The following PON1 variants were observed in gnomAD, a reference collection of about 807,000 sequenced individuals.
The protein encoded by PON1 is serum paraoxonase/arylesterase 1.
Under a neutral mutation model 39.2 loss-of-function variants are expected in PON1, and 37 were observed. The ratio of observed to expected loss-of-function variants is 0.94; its 90% CI spans 0.73 to 1.24. The LOEUF (loss-of-function observed/expected upper bound fraction) is 1.24. Ranked by LOEUF, PON1 falls within the 50% of genes most tolerant of loss-of-function variation. The pLI is 0.00. For missense variants in PON1, 397 were observed against 413.5 expected (o/e 0.96, Z 0.35); for synonymous variants, 148 against 152.2 (o/e 0.97, Z 0.21).
chr7:95,312,615 G>A (rs1024599752), intron 4 of PON1, among the ~76,000 whole-genome samples: 1 of 152,220 alleles, frequency 6.6e-6, no homozygotes, highest in Non-Finnish European at 1.5e-5. Flanking sequence ...GGATGTTAGA[G>A]CAAAAACCTA....
chr7:95,318,308 C>G lies in PON1; in HGVS notation c.145+15G>C. On this transcript the variant is annotated intron_variant, in intron 2 of 8. Transcript: ENST00000222381. ...GGAAGTTCAAATGAGACCCTTCTTCCTCTCACATACATACCGATTCCTTTA... is the reference window on the plus strand; with the variant it reads ...GGAAGTTCAAATGAGACCCTTCTTCGTCTCACATACATACCGATTCCTTTA... 6.3e-7 allele frequency: 1 copy of G among 1,584,488 alleles called. No individual in the cohort carries two copies. The highest frequency in any genetic ancestry group is 8.7e-7 in the Non-Finnish European group (1 of 1,153,230).
chr7:95,324,345 G>A lies in PON1; in HGVS notation c.74+57C>T, dbSNP rs1807965512. The A allele has an allele frequency of 5.2e-6, 8 of 1,546,920 alleles. No individual in the cohort carries two copies. The South Asian group carries it at 9.0e-5, about 17-fold the overall frequency. ...GGACCCAACTTTCTGGGGGCTCGTGGAGCTGGCAGGGAGTGAGGAGGACGA... is the reference window on the plus strand; with the variant it reads ...GGACCCAACTTTCTGGGGGCTCGTGAAGCTGGCAGGGAGTGAGGAGGACGA... On this transcript the variant is annotated intron_variant, in intron 1 of 8. Coordinates refer to ENST00000222381, the MANE Select transcript of PON1 (RefSeq NM_000446.7).
At chr7:95,315,527 C>T (rs1807749112) in intron 3 of PON1, 37 bp from the exon 4 acceptor site, 1 of 1,600,498 alleles carries the variant, frequency 6.2e-7, no homozygotes, top group African/African-American at 1.3e-5. Context: ...AAGCACAATA[C>T]CAGTACTTCA....
At chr7:95,302,474 A>G in intron 7 of PON1, 141 bp from the exon 8 acceptor site, 1 of 711,444 alleles carries the variant, frequency 1.4e-6, no homozygotes, top group South Asian at 1.8e-5. Context: ...GCCCCATTTC[A>G]ATAAGACTCA....
chr7:95,299,144 A>T (rs761479177), intron 8 of PON1, 42 bp from the exon 9 acceptor site: 1 of 1,574,252 alleles, frequency 6.4e-7, no homozygotes. Flanking sequence ...TTGTTAAGTC[A>T]CTTAAAACAA....
chr7:95,299,434 A>G (rs854553), intron 8 of PON1, among the ~76,000 whole-genome samples: 99,074 of 151,854 alleles, frequency 0.65, 33,557 homozygotes, highest in South Asian at 0.77. Flanking sequence ...TCAGTATGAT[A>G]GTTAATACTG....
chr7:95,302,107 A>AAAAAAAAAAAAC lies in PON1; in HGVS notation c.909+97_909+98insGTTTTTTTTTTT, dbSNP rs1563594299. On this transcript the variant is annotated intron_variant, in intron 8 of 8. Coordinates refer to ENST00000222381, the MANE Select transcript of PON1 (RefSeq NM_000446.7). ...GCGATACTCTGTCACAAAAAAAAAA[A>AAAAAAAAAAAAC]AAAAAAAAAAAAAACCAAGAATTGA... 2.5e-4 allele frequency: 199 copies of AAAAAAAAAAAAC among 796,668 alleles called. 1 individual carries two copies. The African/African-American group carries it at 3.6e-3, about 14-fold the overall frequency. The allele number at this position is 796,668 out of a possible 1,614,324, so 49.3% of individuals were successfully genotyped here.
chr7:95,307,772 C>T (rs1304629821), intron 6 of PON1, among the ~76,000 whole-genome samples: 2 of 152,114 alleles, frequency 1.3e-5, no homozygotes, highest in African/African-American at 2.4e-5. Context: ...CATCACAGTT[C>T]CCCCTCTTAA....
In PON1 at chr7:95,315,601, G is replaced by C. The variant is rs540738146; in HGVS notation, c.202-111C>G. On this transcript the variant is annotated intron_variant, in intron 3 of 8. Coordinates refer to ENST00000222381, the MANE Select transcript of PON1 (RefSeq NM_000446.7). Reference sequence around the variant, plus strand: ...TTGACTGCTCCAAACCACAGGGCTAGCCAGATGGCCACATAGGAAGCCTCT... The same window carrying C: ...TTGACTGCTCCAAACCACAGGGCTACCCAGATGGCCACATAGGAAGCCTCT... 28 of 1,134,016 alleles carry C rather than the reference G, an allele frequency of 2.5e-5. No individual in the cohort carries two copies. The South Asian group carries it at 3.3e-4, about 13-fold the overall frequency. The allele number at this position is 1,134,016 out of a possible 1,614,324, so 70.2% of individuals were successfully genotyped here. A position where few individuals can be genotyped will look rare whatever the true frequency, so the allele number is the denominator to read the frequency against.
intron 6 of PON1, among the ~76,000 whole-genome samples, chr7:95,307,261 T>C (rs1009737087): frequency 6.6e-6 from 1 of 152,032 alleles, no homozygotes; most frequent in African/African-American, 2.4e-5. Context: ...GGTTTCGCCA[T>C]GATGGCCAGG....
intron 1 of PON1, among the ~76,000 whole-genome samples, chr7:95,324,114 A>G (rs553349082): frequency 1.6e-4 from 25 of 152,364 alleles, no homozygotes; most frequent in Admixed American, 1.6e-3. Flanking sequence ...ATCTGTAGCC[A>G]GGGCACACAA....
chr7:95,308,373 G>A (rs925448167), intron 5 of PON1, among the ~76,000 whole-genome samples, 162 bp from the exon 6 acceptor site: 10 of 122,298 alleles, frequency 8.2e-5, no homozygotes, highest in Non-Finnish European at 1.3e-4. Flanking sequence ...TAGTCCTGCC[G>A]ATACAATCCT....
chr7:95,303,891 G>A (rs999369708), intron 7 of PON1, among the ~76,000 whole-genome samples: 4 of 152,098 alleles, frequency 2.6e-5, no homozygotes, highest in Non-Finnish European at 5.9e-5. Flanking sequence ...AGGTTTTTGC[G>A]CATTGAGGTT....
At chr7:95,305,616 G>T (rs1402697767) in intron 7 of PON1, among the ~76,000 whole-genome samples, 1 of 152,170 alleles carries the variant, frequency 6.6e-6, no homozygotes, top group African/African-American at 2.4e-5. Context: ...ATACGTAGCG[G>T]GAGGGAGCAG....
At chr7:95,312,130 C>T (rs1327854966) in intron 4 of PON1, among the ~76,000 whole-genome samples, 1 of 152,230 alleles carries the variant, frequency 6.6e-6, no homozygotes, top group African/African-American at 2.4e-5. Flanking sequence ...AGATTATGGT[C>T]TTTGCCTTAA....
rs143463533 is a variant in PON1 at position 95,313,427 on chromosome 7, C to A, written c.371-1850G>T. Among the ~76,000 whole-genome samples, 380 of 152,198 alleles carry A rather than the reference C, an allele frequency of 2.5e-3. 1 individual carries two copies. The highest frequency in any genetic ancestry group is 8.6e-3 in the African/African-American group (357 of 41,528). On this transcript the variant is annotated intron_variant, in intron 4 of 8. Coordinates refer to ENST00000222381, the MANE Select transcript of PON1 (RefSeq NM_000446.7). Reference sequence around the variant, plus strand: ...GCAAATGTGCTATATATAAAGGAGTCCATGATGTAGTGTTTAATGCAGAAG... The same window carrying A: ...GCAAATGTGCTATATATAAAGGAGTACATGATGTAGTGTTTAATGCAGAAG...
At chr7:95,302,457 C>T in intron 7 of PON1, 124 bp from the exon 8 acceptor site, 1 of 781,540 alleles carries the variant, frequency 1.3e-6, no homozygotes, top group Non-Finnish European at 2.1e-6. Flanking sequence ...TCCAAGGATA[C>T]AATTCTGCCC....
chr7:95,308,009 A>C lies in PON1; in HGVS notation c.698+2T>G. The C allele has an allele frequency of 6.2e-7, 1 of 1,612,388 alleles. No individual in the cohort carries two copies. Among genetic ancestry groups the C allele is most frequent in the South Asian group, 1.1e-5 (1 of 91,044 alleles). On this transcript the variant is annotated splice_donor_variant, in intron 6 of 8. Coordinates refer to ENST00000222381, the MANE Select transcript of PON1 (RefSeq NM_000446.7). LOFTEE classifies it high-confidence loss of function. ...CCACTACATTTCAGAGAGTTCACAT[A>C]CTTGCCATCGGGTGAAATGTTGATT...
Position 95,315,423 on chromosome 7 carries a change from A to G in PON1, c.269T>C (p.Leu90Pro), listed in dbSNP as rs72552788. Reference protein sequence around the residue: ...NSPGKILLMDLNEEDPTVLEL... With the variant: ...NSPGKILLMDPNEEDPTVLEL... The stretch of plus-strand genomic sequence containing the variant: ...CAACACTGTTGGATCTTCTTCATTC[A>G]GGTCCATCAGAAGTATTTTTCCAGG... Residue 90 changes from leucine (L) to proline (P), a missense_variant, in exon 4 of 9, where the codon CTG (leucine) becomes CCG (proline). By Grantham distance (98) the Leu-to-Pro change is moderately conservative. Transcript: ENST00000222381. The G allele has an allele frequency of 5.1e-4, 825 of 1,613,770 alleles. No individual in the cohort carries two copies. Among genetic ancestry groups the G allele is most frequent in the Non-Finnish European group, 6.6e-4 (777 of 1,179,666 alleles).
Sources: gnomAD v4.1 joint callset for allele counts (sites outside exome capture counted in the v4.1 genomes callset) on GRCh38, gnomAD v4.1.1 for gene constraint, MANE v1.5 for transcripts, NCBI Gene and HGNC (gene_info 2026-07-23, HGNC 2026-07-21) for gene names.